ARMC8: variants seen among roughly 807,000 people sequenced by gnomAD.
The protein encoded by ARMC8 is armadillo repeat containing 8.
In ARMC8, 20 loss-of-function variants were observed where a neutral mutation model predicts 99.3. The observed-to-expected ratio is 0.20, with a 90% confidence interval of 0.14 to 0.29. The LOEUF (loss-of-function observed/expected upper bound fraction) is 0.29, where lower values mean the gene tolerates loss of function less well. ARMC8 is among the 10% of genes least tolerant of loss of function. The pLI, the probability that ARMC8 is intolerant of heterozygous loss-of-function variation, is 1.00. For synonymous variants in ARMC8, 263 were observed against 278.3 expected (o/e 0.95, Z 0.55); for missense variants, 569 against 809.5 (o/e 0.70, Z 3.60).
intron 6 of ARMC8, among the ~76,000 whole-genome samples, chr3:138,234,827 A>G (rs780441764): frequency 2.0e-5 from 3 of 152,204 alleles, no homozygotes; most frequent in Non-Finnish European, 2.9e-5. Context: ...CAGCATTTCT[A>G]GAACTGGAAT....
At chr3:138,223,265 C>G (rs1005032602) in intron 3 of ARMC8, 124 bp from the exon 4 acceptor site, 2 of 774,530 alleles carry the variant, frequency 2.6e-6, no homozygotes, top group African/African-American at 3.5e-5. Flanking sequence ...AACAAATGAC[C>G]ATTGGATTCA....
At chr3:138,284,573 T>C (rs375005553) in intron 19 of ARMC8, 47 bp downstream of exon 19, 24 of 1,368,416 alleles carry the variant, frequency 1.8e-5, no homozygotes, top group Middle Eastern at 1.8e-4. Flanking sequence ...GCAGGGACTG[T>C]TGCATTTTTA....
chr3:138,191,945 G>A lies in ARMC8; in HGVS notation c.45+4346G>A, dbSNP rs552005692. Among the ~76,000 whole-genome samples the A allele has an allele frequency of 5.3e-5, 8 of 152,286 alleles. No individual in the cohort carries two copies. The East Asian group carries it at 9.6e-4, about 18-fold the overall frequency. ...GCTTCTAGTTTTTGGCTATTATAAC[G>A]TAGTATGAACAATCATGTACAGGTT... On this transcript the variant is annotated intron_variant, in intron 1 of 21. Coordinates refer to ENST00000469044, the MANE Select transcript of ARMC8 (RefSeq NM_001363941.2).
At chr3:138,193,932 A>G (rs962264824) in intron 1 of ARMC8, among the ~76,000 whole-genome samples, 1 of 152,236 alleles carries the variant, frequency 6.6e-6, no homozygotes, top group Non-Finnish European at 1.5e-5. Context: ...TTGTAATGGT[A>G]GAGAGGTAAG....
chr3:138,216,510 A>G (rs1016621522), intron 2 of ARMC8, among the ~76,000 whole-genome samples: 3 of 152,220 alleles, frequency 2.0e-5, no homozygotes, highest in Admixed American at 2.0e-4. Flanking sequence ...ACCATGCATG[A>G]TAACAGAAAG....
intron 6 of ARMC8, among the ~76,000 whole-genome samples, chr3:138,234,290 T>C (rs2046217565): frequency 6.6e-6 from 1 of 152,130 alleles, no homozygotes. Flanking sequence ...TTTTGTATTT[T>C]TAGTAGAGAC....
chr3:138,238,396 A>G (rs1250456802), intron 9 of ARMC8: 2 of 152,214 alleles, frequency 1.3e-5, no homozygotes, highest in Non-Finnish European at 2.9e-5. Context: ...TTTCTGGCTC[A>G]TGTAAGCATT....
intron 2 of ARMC8, among the ~76,000 whole-genome samples, chr3:138,217,272 C>T (rs2045111780): frequency 6.6e-6 from 1 of 152,036 alleles, no homozygotes; most frequent in Non-Finnish European, 1.5e-5. Context: ...GTCTTCAATA[C>T]TTTTAAAGAT....
In ARMC8 at chr3:138,241,941, C is replaced by G; in HGVS notation, c.996C>G (p.Phe332Leu). 1 of 1,614,026 alleles carries G rather than the reference C, an allele frequency of 6.2e-7. No individual in the cohort carries two copies. The highest frequency in any genetic ancestry group is 8.5e-7 in the Non-Finnish European group (1 of 1,179,966). ...DHLIAMLADY[F>L]KYPSSVSAIT... ...TCATTGCCATGCTTGCTGATTATTTCAAGTATCCCAGCTCAGTGAGTGCCA... is the reference window on the plus strand; with the variant it reads ...TCATTGCCATGCTTGCTGATTATTTGAAGTATCCCAGCTCAGTGAGTGCCA... Residue 332 changes from phenylalanine (F) to leucine (L), a missense_variant, in exon 11 of 22, where the codon TTC (phenylalanine) becomes TTG (leucine). Phe to Leu is a conservative substitution (Grantham distance 22). Around this residue, in one of 2 missense-constraint regions of ARMC8, gnomAD observed 227 missense variants for 417.9 expected, o/e 0.54. Transcript: ENST00000469044.
intron 12 of ARMC8, among the ~76,000 whole-genome samples, chr3:138,255,749 G>A (rs978737501): frequency 2.4e-4 from 36 of 152,210 alleles, no homozygotes; most frequent in African/African-American, 8.4e-4. Flanking sequence ...GGAGGCCGAG[G>A]TGAATAGATC....
chr3:138,207,326 A>G (rs912975322), intron 1 of ARMC8, among the ~76,000 whole-genome samples: 2 of 152,254 alleles, frequency 1.3e-5, no homozygotes, highest in African/African-American at 4.8e-5. Context: ...TAACAAGAGA[A>G]TATGAATTCT....
chr3:138,188,679 C>A, intron 1 of ARMC8: 1 of 1,017,516 alleles, frequency 9.8e-7, no homozygotes. Context: ...CTTGTAACTA[C>A]AACCGGTTTC....
At chr3:138,287,269 C>A (rs970386198) in intron 19 of ARMC8, among the ~76,000 whole-genome samples, 9 of 152,224 alleles carry the variant, frequency 5.9e-5, no homozygotes, top group African/African-American at 2.2e-4. Context: ...ACCTACTTCT[C>A]TGAACAGACA....
In ARMC8 at chr3:138,290,622, T is replaced by C. The variant is rs1191841471; in HGVS notation, c.1971T>C (p.Asp657=). The C allele has an allele frequency of 6.2e-7, 1 of 1,602,810 alleles. No homozygotes were observed. The change falls in exon 21 of 22, where the codon GAT becomes GAC. Residue 657 remains aspartate (D), a synonymous_variant. Coordinates refer to ENST00000469044, the MANE Select transcript of ARMC8 (RefSeq NM_001363941.2). ...TACACAAACTGAGTCAGTCACCAGA[T>C]TCAAACCTTTGTGACAAGTGAGTAT... The part of the protein sequence containing the change: ...DILHKLSQSP[D]SNLCDKAKMA...
chr3:138,205,060 CTTTTT>C (rs71146118), intron 1 of ARMC8, among the ~76,000 whole-genome samples: 8 of 93,220 alleles, frequency 8.6e-5, no homozygotes, highest in African/African-American at 1.8e-4. Context: ...CTTTTCTTTT[CTTTTT>C]TTTTTTTTTT....
rs181127432 is a variant in ARMC8 at position 138,196,596 on chromosome 3, C to T, written c.45+8997C>T. On this transcript the variant is annotated intron_variant, in intron 1 of 21. Coordinates refer to ENST00000469044, the MANE Select transcript of ARMC8 (RefSeq NM_001363941.2). Reference sequence around the variant, plus strand: ...AAGAAAATGTAGCAAAAGCCAGGCACGGTGATTCACGCCTGTAATCCCAGC... The same window carrying T: ...AAGAAAATGTAGCAAAAGCCAGGCATGGTGATTCACGCCTGTAATCCCAGC... 4.6e-5 allele frequency among the ~76,000 whole-genome samples: 7 copies of T among 152,234 alleles called. No homozygotes were observed. In the South Asian group the frequency reaches 1.0e-3, roughly 23 times the overall value.
chr3:138,272,829 G>GC, intron 16 of ARMC8, 138 bp from the exon 17 acceptor site: 1 of 678,444 alleles, frequency 1.5e-6, no homozygotes, highest in Non-Finnish European at 2.2e-6. Flanking sequence ...CCGTTATTGT[G>GC]CCACTGCACA....
chr3:138,240,021 A>G (rs2046531975), intron 10 of ARMC8, among the ~76,000 whole-genome samples: 1 of 152,108 alleles, frequency 6.6e-6, no homozygotes, highest in Non-Finnish European at 1.5e-5. Flanking sequence ...AATTTAGAAA[A>G]ACCTGGAGAA....
intron 11 of ARMC8, among the ~76,000 whole-genome samples, chr3:138,244,874 C>G (rs1223759771): frequency 6.6e-6 from 1 of 152,202 alleles, no homozygotes; most frequent in Non-Finnish European, 1.5e-5. Context: ...TAAATGGAAG[C>G]ATATTGTGTG....
Sources: allele counts gnomAD v4.1 joint callset (sites outside exome capture counted in the v4.1 genomes callset), GRCh38; gene constraint gnomAD v4.1.1; regional missense constraint gnomAD v4.1.1; transcripts MANE v1.5; gene names NCBI Gene and HGNC (gene_info 2026-07-23, HGNC 2026-07-21).